Variants in KCNJ6 observed in about 807,000 individuals in gnomAD.
KCNJ6 encodes potassium inwardly rectifying channel subfamily J member 6.
A neutral mutation model predicts 34.2 loss-of-function variants in KCNJ6; 9 were observed. That is an observed-to-expected ratio of 0.26 (90% CI 0.16 to 0.46). The LOEUF is 0.46. Ranked by LOEUF, KCNJ6 falls within the 20% of genes least tolerant of loss-of-function variation. The pLI is 1.00. For synonymous variants in KCNJ6, 196 were observed against 207.1 expected (o/e 0.95, Z 0.46); for missense variants, 236 against 531.3 (o/e 0.44, Z 5.46).
At chr21:37,717,651 G>C (rs1357261075) in intron 2 of KCNJ6, among the ~76,000 whole-genome samples, 3 of 152,234 alleles carry the variant, frequency 2.0e-5, no homozygotes, top group Non-Finnish European at 4.4e-5. Flanking sequence ...GGCTCAAACT[G>C]TGCCTGGCTG....
rs765635882 is a variant in KCNJ6, at chr21:37,625,302, C to T, written c.1129G>A (p.Ala377Thr). The change falls in exon 4 of 4, where the codon GCA becomes ACA. Residue 377 changes from alanine to threonine, a missense_variant. Ala to Thr is a moderately conservative substitution (Grantham distance 58). Around this residue, in one of 5 missense-constraint regions of KCNJ6, gnomAD observed 43 missense variants for 52.1 expected, o/e 0.82. Coordinates refer to ENST00000609713, the MANE Select transcript of KCNJ6 (RefSeq NM_002240.5). The stretch of plus-strand genomic sequence containing the variant: ...ACAGACCAACTCAGGGGCAGCTCTG[C>T]CCTGCTGGCTAACTCGGCCAGCTCT... The part of the protein sequence containing the change: ...AKELAELASR[A>T]ELPLSWSVSS... 6.2e-7 allele frequency: 1 copy of T among 1,614,200 alleles called. No homozygotes were observed. Among genetic ancestry groups the T allele is most frequent in the Admixed American group, 1.7e-5 (1 of 60,030 alleles).
intron 1 of KCNJ6, among the ~76,000 whole-genome samples, chr21:37,862,212 A>G (rs2055598099): frequency 6.6e-6 from 1 of 152,188 alleles, no homozygotes; most frequent in Non-Finnish European, 1.5e-5. Flanking sequence ...CACTCTATAC[A>G]ACAGTTGAAT....
At chr21:37,688,341 T>G (rs1312695168) in intron 3 of KCNJ6, among the ~76,000 whole-genome samples, 1 of 151,548 alleles carries the variant, frequency 6.6e-6, no homozygotes, top group Non-Finnish European at 1.5e-5. Context: ...ACCTCTTGAG[T>G]ACTAGAGATA....
chr21:37,841,679 T>G (rs1428669098), intron 1 of KCNJ6, among the ~76,000 whole-genome samples: 1 of 152,254 alleles, frequency 6.6e-6, no homozygotes, highest in African/African-American at 2.4e-5. Context: ...ATACACATTT[T>G]GTGTTGAAGC....
intron 2 of KCNJ6, among the ~76,000 whole-genome samples, chr21:37,805,002 AAAAG>A (rs1478158061): frequency 1.3e-5 from 2 of 152,238 alleles, no homozygotes; most frequent in African/African-American, 4.8e-5. Flanking sequence ...TATGCTAAAT[AAAAG>A]AAACTAGACA....
chr21:37,680,110 C>G (rs2054584183), intron 3 of KCNJ6, among the ~76,000 whole-genome samples: 1 of 152,210 alleles, frequency 6.6e-6, no homozygotes, highest in Admixed American at 6.5e-5. Flanking sequence ...AGATCCCACT[C>G]ATTCTCTCTC....
intron 3 of KCNJ6, among the ~76,000 whole-genome samples, chr21:37,681,583 G>A (rs1335933222): frequency 6.6e-6 from 1 of 152,160 alleles, no homozygotes; most frequent in Non-Finnish European, 1.5e-5. Flanking sequence ...GGTTTCACTC[G>A]GATCTGTCTT....
At chr21:37,808,141 C>T (rs1365781064) in intron 2 of KCNJ6, among the ~76,000 whole-genome samples, 1 of 152,160 alleles carries the variant, frequency 6.6e-6, no homozygotes, top group East Asian at 1.9e-4. Flanking sequence ...TAATAATAAA[C>T]AGCAACCTGC....
At chr21:37,662,130 T>C (rs1325473547) in intron 3 of KCNJ6, among the ~76,000 whole-genome samples, 1 of 152,186 alleles carries the variant, frequency 6.6e-6, no homozygotes, top group African/African-American at 2.4e-5. Context: ...AGGATACATG[T>C]GCAGGATGTA....
At chr21:37,801,956 G>C (rs1170141235) in intron 2 of KCNJ6, among the ~76,000 whole-genome samples, 2 of 152,224 alleles carry the variant, frequency 1.3e-5, no homozygotes, top group African/African-American at 2.4e-5. Context: ...GTAGTAGTTA[G>C]AGTGACTATG....
intron 3 of KCNJ6, among the ~76,000 whole-genome samples, chr21:37,697,543 A>C (rs1294609359): frequency 6.6e-6 from 1 of 152,182 alleles, no homozygotes; most frequent in Non-Finnish European, 1.5e-5. Flanking sequence ...AATTATTCTG[A>C]TCCAAGGTCC....
At chr21:37,686,705 G>A (rs1413563291) in intron 3 of KCNJ6, among the ~76,000 whole-genome samples, 1 of 152,068 alleles carries the variant, frequency 6.6e-6, no homozygotes, top group Non-Finnish European at 1.5e-5. Context: ...GACCTCAGGT[G>A]ATCTGCCCAC....
intron 1 of KCNJ6, among the ~76,000 whole-genome samples, chr21:37,869,467 T>C (rs577304093): frequency 2.0e-5 from 3 of 152,364 alleles, no homozygotes; most frequent in African/African-American, 7.2e-5. Context: ...GTTCCAATAA[T>C]TCTTGGATCT....
chr21:37,650,139 A>T (rs1325406154), intron 3 of KCNJ6, among the ~76,000 whole-genome samples: 1 of 152,098 alleles, frequency 6.6e-6, no homozygotes, highest in Admixed American at 6.5e-5. Context: ...TGTGGCTTTG[A>T]TTCTGCCTGG....
intron 3 of KCNJ6, among the ~76,000 whole-genome samples, chr21:37,702,589 T>C (rs1050002511): frequency 1.3e-5 from 2 of 152,330 alleles, no homozygotes; most frequent in African/African-American, 2.4e-5. Flanking sequence ...AGGCCACGTA[T>C]GCATTTAAAT....
chr21:37,689,913 T>C (rs961979967), intron 3 of KCNJ6, among the ~76,000 whole-genome samples: 2 of 152,098 alleles, frequency 1.3e-5, no homozygotes, highest in African/African-American at 2.4e-5. Context: ...GGGTCTCACA[T>C]GGCCAAGACA....
At position 37,647,100 on chromosome 21, in the gene KCNJ6, T is replaced by G. The variant is rs111226479; in HGVS notation, c.947-21616A>C. Among the ~76,000 whole-genome samples the G allele has an allele frequency of 9.1e-4, 139 of 152,314 alleles. 2 individuals are homozygous for G. Among genetic ancestry groups the G allele is most frequent in the African/African-American group, 3.1e-3 (127 of 41,564 alleles). On this transcript the variant is annotated intron_variant, in intron 3 of 3. Coordinates refer to ENST00000609713, the MANE Select transcript of KCNJ6 (RefSeq NM_002240.5). ...GTCCTATTTTGAGGAAGACAAGTCA[T>G]GTATTAAATGAAGTAATACATGAGG...
chr21:37,632,512 C>T (rs2054338414), intron 3 of KCNJ6, among the ~76,000 whole-genome samples: 1 of 152,010 alleles, frequency 6.6e-6, no homozygotes, highest in Non-Finnish European at 1.5e-5. Context: ...CAACAAAGAT[C>T]ATTGTATAAA....
chr21:37,835,023 G>A (rs1422051229), intron 2 of KCNJ6, among the ~76,000 whole-genome samples: 1 of 152,192 alleles, frequency 6.6e-6, no homozygotes, highest in Non-Finnish European at 1.5e-5. Flanking sequence ...GGCTGGGGTA[G>A]AATGGCTCAT....
Sources: allele counts gnomAD v4.1 joint callset (sites outside exome capture counted in the v4.1 genomes callset), GRCh38; gene constraint gnomAD v4.1.1; regional missense constraint gnomAD v4.1.1; transcripts MANE v1.5; gene names NCBI Gene and HGNC (gene_info 2026-07-23, HGNC 2026-07-21).